The following ASTN1 variants were observed in gnomAD, a reference collection of about 807,000 sequenced individuals.
ASTN1 encodes astrotactin 1.
In ASTN1, 41 loss-of-function variants were observed where a neutral mutation model predicts 140.7. The observed-to-expected ratio is 0.29, with a 90% confidence interval of 0.23 to 0.38. The LOEUF (loss-of-function observed/expected upper bound fraction) is 0.38, where lower values mean the gene tolerates loss of function less well. Among genes scored for constraint, ASTN1 ranks in the 10% least tolerant of loss-of-function variants. The pLI is 1.00. For synonymous variants in ASTN1, 640 were observed against 652.2 expected, an observed-to-expected ratio of 0.98 and a Z score of 0.29; for missense variants, 1,479 against 1,678.8, an observed-to-expected ratio of 0.88 and a Z score of 2.08.
At chr1:177,115,286 T>C in intron 1 of ASTN1, among the ~76,000 whole-genome samples, 1 of 152,166 alleles carries the variant, frequency 6.6e-6, no homozygotes, top group East Asian at 1.9e-4. Context: ...TCAGACCCTA[T>C]TCAGAGTGAA....
intron 21 of ASTN1, among the ~76,000 whole-genome samples, chr1:176,872,311 C>G (rs933417758): frequency 3.3e-5 from 5 of 151,496 alleles, no homozygotes; most frequent in Admixed American, 1.3e-4. Context: ...TTTCTATGTA[C>G]GTGCACTACG....
At chr1:177,026,633 A>G (rs983177566) in intron 5 of ASTN1, among the ~76,000 whole-genome samples, 9 of 152,184 alleles carry the variant, frequency 5.9e-5, no homozygotes, top group African/African-American at 2.2e-4. Context: ...ACCGCAGTGT[A>G]CAAGGGTTCC....
At chr1:176,857,481 G>T (rs146828029), downstream of ASTN1, 25 of 416,656 alleles carry the variant, frequency 6.0e-5, no homozygotes, top group Admixed American at 5.3e-4. Flanking sequence ...ACATCAGGGC[G>T]CAGCTCCTGC....
At position 177,050,353 on chromosome 1, in the gene ASTN1, G is replaced by A. The variant is rs368312894; in HGVS notation, c.471+10725C>T. Among the ~76,000 whole-genome samples the A allele has an allele frequency of 5.3e-5, 8 of 152,202 alleles. No homozygotes were observed. In the East Asian group the frequency reaches 1.4e-3, roughly 26 times the overall value. ...TACAAATCCCAAATGTCAGAATTGG[G>A]AGCCAAAGCCCAGCAGGCCCCAGAT... On this transcript the variant is annotated intron_variant, in intron 2 of 22. Transcript: ENST00000361833.
At chr1:176,979,177 G>A (rs2101877264) in intron 8 of ASTN1, among the ~76,000 whole-genome samples, 1 of 152,268 alleles carries the variant, frequency 6.6e-6, no homozygotes, top group African/African-American at 2.4e-5. Context: ...GAACTTCCAT[G>A]CTTTAAATCC....
rs1453422415 is a variant in ASTN1, at chr1:176,863,375, G to C, written c.*909C>G. The C allele has an allele frequency of 1.0e-6, 1 of 985,722 alleles. No homozygotes were observed. Among genetic ancestry groups the C allele is most frequent in the African/African-American group, 1.7e-5 (1 of 57,212 alleles). 61.1% of individuals were successfully genotyped at this position (985,722 alleles called of 1,614,324 possible). On this transcript the variant is annotated 3_prime_UTR_variant, in exon 23 of 23. Coordinates refer to ENST00000361833, the MANE Select transcript of ASTN1 (RefSeq NM_004319.3). ...CTTACCTGTCCAAGGTAAGAGGTGT[G>C]GGGGTTAAAGATAATCCAGGCACAT...
intron 16 of ASTN1, among the ~76,000 whole-genome samples, chr1:176,900,545 A>G (rs535748136): frequency 6.6e-6 from 1 of 152,246 alleles, no homozygotes; most frequent in East Asian, 1.9e-4. Flanking sequence ...CTCTTGCTCC[A>G]TGCCCACGGC....
At chr1:176,871,313 A>G (rs914755016) in intron 21 of ASTN1, among the ~76,000 whole-genome samples, 2 of 152,094 alleles carry the variant, frequency 1.3e-5, no homozygotes, top group Non-Finnish European at 2.9e-5. Flanking sequence ...CCGGGGGAGG[A>G]AAAATGCTGG....
intron 8 of ASTN1, among the ~76,000 whole-genome samples, chr1:176,978,701 G>C (rs1174956685): frequency 1.3e-5 from 2 of 152,064 alleles, no homozygotes; most frequent in Admixed American, 1.3e-4. Context: ...ATCTGTGAAC[G>C]TCTGGCAAGG....
chr1:176,861,351 T>C lies in ASTN1; in HGVS notation c.*2933A>G. ...ATGCTATTACAGTGGTTCATGTACA[T>C]TCAAGAGGAAACTCCAGAGGTCTTG... is the stretch of plus-strand genomic sequence containing the variant. On this transcript the variant is annotated 3_prime_UTR_variant, in exon 23 of 23. Transcript: ENST00000361833. 3 of 985,846 alleles carry C rather than the reference T, an allele frequency of 3.0e-6. No homozygotes were observed. The highest frequency in any genetic ancestry group is 3.6e-6 in the Non-Finnish European group (3 of 829,916). The allele number at this position is 985,846 out of a possible 1,614,324, so 61.1% of individuals were successfully genotyped here.
Position 176,884,327 on chromosome 1 carries a change from G to C in ASTN1, c.3226+12C>G, listed in dbSNP as rs1234854923. On this transcript the variant is annotated intron_variant, in intron 19 of 22. Coordinates refer to ENST00000361833, the MANE Select transcript of ASTN1 (RefSeq NM_004319.3). ...TGGATCAAGACAAGCCCATGAAGTA[G>C]AAGGTGCTCACCTGTCTCCACTTTG... 4.3e-6 allele frequency: 7 copies of C among 1,610,238 alleles called. No individual in the cohort carries two copies. Among genetic ancestry groups the C allele is most frequent in the Admixed American group, 1.7e-5 (1 of 59,960 alleles).
rs1677123548 is a variant in ASTN1 at position 177,044,447 on chromosome 1, T to C, written c.472-11598A>G. On this transcript the variant is annotated intron_variant, in intron 2 of 22. Transcript: ENST00000361833. ...TCTTCACTAGCTGACCATGGCCCCCTCTGTTCCCAGCAGAACAGCCAAATG... is the reference window on the plus strand; with the variant it reads ...TCTTCACTAGCTGACCATGGCCCCCCCTGTTCCCAGCAGAACAGCCAAATG... Among the ~76,000 whole-genome samples the C allele has an allele frequency of 2.0e-5, 3 of 152,250 alleles. No homozygotes were observed. In the South Asian group the frequency reaches 6.2e-4, roughly 32 times the overall value.
At chr1:176,951,832 G>C (rs986633305) in intron 11 of ASTN1, among the ~76,000 whole-genome samples, 3 of 152,172 alleles carry the variant, frequency 2.0e-5, no homozygotes, top group African/African-American at 7.2e-5. Flanking sequence ...GCCAAAAATA[G>C]TATTAATAGC....
downstream of ASTN1, among the ~76,000 whole-genome samples, chr1:176,859,713 G>A (rs1485933827): frequency 6.6e-6 from 1 of 152,184 alleles, no homozygotes; most frequent in Non-Finnish European, 1.5e-5. Flanking sequence ...GAACCTGGGA[G>A]GTGGAGGTTG....
chr1:176,986,416 A>C (rs1362658780), intron 8 of ASTN1, among the ~76,000 whole-genome samples: 1 of 152,226 alleles, frequency 6.6e-6, no homozygotes, highest in African/African-American at 2.4e-5. Flanking sequence ...CATGTGGCTA[A>C]GGAGTATGAG....
At chr1:177,125,238 A>G (rs1203068463) in intron 1 of ASTN1, among the ~76,000 whole-genome samples, 1 of 152,222 alleles carries the variant, frequency 6.6e-6, no homozygotes, top group African/African-American at 2.4e-5. Flanking sequence ...CTTTTGGTGC[A>G]TGGATTGGAT....
chr1:176,936,575 C>A (rs1315983966), intron 14 of ASTN1, among the ~76,000 whole-genome samples: 1 of 152,210 alleles, frequency 6.6e-6, no homozygotes, highest in Non-Finnish European at 1.5e-5. Flanking sequence ...TTGCTAAGCA[C>A]TTTGCATACA....
chr1:176,904,120 G>T (rs1001798462), intron 16 of ASTN1, among the ~76,000 whole-genome samples: 17 of 152,180 alleles, frequency 1.1e-4, no homozygotes, highest in African/African-American at 3.4e-4. Flanking sequence ...GCATGAATTT[G>T]GAAGGACACT....
intron 9 of ASTN1, among the ~76,000 whole-genome samples, chr1:176,959,406 G>A (rs189783966): frequency 1.6e-4 from 24 of 152,048 alleles, no homozygotes; most frequent in Middle Eastern, 3.4e-3. Flanking sequence ...CATGCTGCTC[G>A]TACAGCACCA....
Sources: allele counts gnomAD v4.1 joint callset (sites outside exome capture counted in the v4.1 genomes callset), GRCh38; gene constraint gnomAD v4.1.1; transcripts MANE v1.5; gene names NCBI Gene and HGNC (gene_info 2026-07-23, HGNC 2026-07-21).